The following GOLPH3 variants were observed in gnomAD, a reference collection of about 807,000 sequenced individuals.
GOLPH3 encodes coat protein GPP34.
A neutral mutation model predicts 28.5 loss-of-function variants in GOLPH3; 14 were observed. The observed-to-expected ratio is 0.49, with a 90% confidence interval of 0.32 to 0.77. GOLPH3 has a LOEUF of 0.77. GOLPH3 is among the 30% of genes least tolerant of loss of function. The pLI is 0.03. For synonymous variants in GOLPH3, 158 were observed against 159.2 expected (o/e 0.99, Z 0.06); for missense variants, 350 against 393.7 (o/e 0.89, Z 0.94).
At position 32,159,375 on chromosome 5, in the gene GOLPH3, G is replaced by T. The variant is rs556561858; in HGVS notation, c.225+14435C>A. Among the ~76,000 whole-genome samples the T allele has an allele frequency of 7.9e-5, 12 of 152,342 alleles. No homozygotes were observed. The South Asian group carries it at 2.5e-3, about 32-fold the overall frequency. The stretch of plus-strand genomic sequence containing the variant: ...TAAATAGTTCTGAGCATGAAACAAA[G>T]TGTGCCAGGTATGGAATCTTCCACT... On this transcript the variant is annotated intron_variant, in intron 1 of 3. Transcript: ENST00000265070.
At chr5:32,172,385 C>T (rs142101002) in intron 1 of GOLPH3, among the ~76,000 whole-genome samples, 3 of 149,092 alleles carry the variant, frequency 2.0e-5, no homozygotes, top group African/African-American at 7.4e-5. Flanking sequence ...TGCCCACCTT[C>T]CTGAATTTGG....
chr5:32,130,278 G>T (rs1581536360), intron 3 of GOLPH3, among the ~76,000 whole-genome samples: 1 of 152,108 alleles, frequency 6.6e-6, no homozygotes, highest in African/African-American at 2.4e-5. Flanking sequence ...CTGGAATTGG[G>T]TAACTATTGT....
chr5:32,165,839 C>G (rs1476501099), intron 1 of GOLPH3, among the ~76,000 whole-genome samples: 1 of 152,162 alleles, frequency 6.6e-6, no homozygotes, highest in Non-Finnish European at 1.5e-5. Flanking sequence ...TGTCATTTAG[C>G]AAGATGAGAA....
At chr5:32,148,888 C>A (rs915922633) in intron 1 of GOLPH3, among the ~76,000 whole-genome samples, 1 of 152,078 alleles carries the variant, frequency 6.6e-6, no homozygotes, top group Admixed American at 6.5e-5. Context: ...GGCAGGAGAA[C>A]TGCTTGAACC....
chr5:32,159,082 C>A lies in GOLPH3; in HGVS notation c.225+14728G>T, dbSNP rs80130817. On this transcript the variant is annotated intron_variant, in intron 1 of 3. Coordinates refer to ENST00000265070, the MANE Select transcript of GOLPH3 (RefSeq NM_022130.4). ...GAAATTGGTCTGCCTGGCTCCAAAGCCCTGGCTCCTTTTCTGTCTTGCCTT... is the reference window on the plus strand; with the variant it reads ...GAAATTGGTCTGCCTGGCTCCAAAGACCTGGCTCCTTTTCTGTCTTGCCTT... Among the ~76,000 whole-genome samples, 477 of 152,302 alleles carry A rather than the reference C, an allele frequency of 3.1e-3. 1 individual carries two copies. The highest frequency in any genetic ancestry group is 0.011 in the African/African-American group (449 of 41,570).
At chr5:32,129,571 A>G (rs2111835059) in intron 3 of GOLPH3, among the ~76,000 whole-genome samples, 1 of 152,342 alleles carries the variant, frequency 6.6e-6, no homozygotes, top group East Asian at 1.9e-4. Context: ...TACTGGCCAG[A>G]AGAAAATGGG....
At chr5:32,126,777 AC>A in intron 3 of GOLPH3, 141 bp from the exon 4 acceptor site, 1 of 669,652 alleles carries the variant, frequency 1.5e-6, no homozygotes, top group Non-Finnish European at 2.5e-6. Flanking sequence ...CCCTAACTAG[AC>A]CATGAACCCC....
At chr5:32,142,236 G>T (rs1328907212) in intron 2 of GOLPH3, among the ~76,000 whole-genome samples, 1 of 151,522 alleles carries the variant, frequency 6.6e-6, no homozygotes, top group Non-Finnish European at 1.5e-5. Context: ...CTGAGATGCG[G>T]GGAGCACCTC....
chr5:32,137,686 G>C (rs1242245663), intron 2 of GOLPH3, among the ~76,000 whole-genome samples: 2 of 152,034 alleles, frequency 1.3e-5, no homozygotes, highest in Non-Finnish European at 2.9e-5. Flanking sequence ...TTGAGATATA[G>C]AATCCATTTT....
At chr5:32,161,757 G>A (rs1746583095) in intron 1 of GOLPH3, among the ~76,000 whole-genome samples, 1 of 151,280 alleles carries the variant, frequency 6.6e-6, no homozygotes, top group South Asian at 2.1e-4. Flanking sequence ...GCCAGGCACG[G>A]TGGCTCACGC....
intron 1 of GOLPH3, among the ~76,000 whole-genome samples, chr5:32,164,959 G>C (rs1746677741): frequency 6.8e-6 from 1 of 146,068 alleles, no homozygotes; most frequent in Non-Finnish European, 1.5e-5. Flanking sequence ...GAGTGCAGTG[G>C]CATGATCTTA....
intron 1 of GOLPH3, among the ~76,000 whole-genome samples, chr5:32,170,565 G>C (rs1746809903): frequency 6.6e-6 from 1 of 152,134 alleles, no homozygotes; most frequent in Non-Finnish European, 1.5e-5. Flanking sequence ...CTCCTAAAAA[G>C]AGTACTATAG....
chr5:32,143,255 T>C lies in GOLPH3; in HGVS notation c.357+494A>G, dbSNP rs564203850. On this transcript the variant is annotated intron_variant, in intron 2 of 3. Transcript: ENST00000265070. ...GTTAAACAGATGCTTGAAGGCAGCATGCTCCTTAAGAGTCATCACCACTCC... is the reference window on the plus strand; with the variant it reads ...GTTAAACAGATGCTTGAAGGCAGCACGCTCCTTAAGAGTCATCACCACTCC... Among the ~76,000 whole-genome samples the C allele has an allele frequency of 2.7e-3, 404 of 151,694 alleles. 2 individuals are homozygous for C. Among genetic ancestry groups the C allele is most frequent in the African/African-American group, 9.5e-3 (394 of 41,340 alleles).
chr5:32,146,608 CTTTTTGTTAAGAAGGAACTCAAAAGG>C (rs933506390), intron 1 of GOLPH3, among the ~76,000 whole-genome samples: 1 of 152,092 alleles, frequency 6.6e-6, no homozygotes, highest in African/African-American at 2.4e-5. Context: ...TACCCAGAAG[CTTTTTGTTAAGAAGGAACTCAAAAGG>C]TTGGTAACCC....
intron 1 of GOLPH3, among the ~76,000 whole-genome samples, chr5:32,147,448 G>T (rs918216583): frequency 6.6e-6 from 1 of 150,950 alleles, no homozygotes; most frequent in African/African-American, 2.4e-5. Context: ...AAAAAAAAAA[G>T]AAAAGAAATC....
rs1291272045 is a variant in GOLPH3 at position 32,141,573 on chromosome 5, ATGACTC to A, written c.357+2170_357+2175del. On this transcript the variant is annotated intron_variant, in intron 2 of 3. Transcript: ENST00000265070. Reference sequence around the variant, plus strand: ...AAATTATGGCTTTTAAAAGCTGCAAATGACTCTCCCTCTCCCTCTCCCTCTCCCCAC... The same window carrying A: ...AAATTATGGCTTTTAAAAGCTGCAAATCCCTCTCCCTCTCCCTCTCCCCAC... 5.8e-5 allele frequency among the ~76,000 whole-genome samples: 6 copies of A among 103,850 alleles called. No homozygotes were observed. The East Asian group carries it at 1.3e-3, about 23-fold the overall frequency. The allele number at this position is 103,850 out of a possible 152,430, so 68.1% of individuals were successfully genotyped here.
rs1745643640 is a variant in GOLPH3, at chr5:32,124,970, C to A, written c.*1242G>T. ...CATTATGAAACCAATGGTGATGATACAATAAAGTGATAAAGAAATAGTAAA... is the reference window on the plus strand; with the variant it reads ...CATTATGAAACCAATGGTGATGATAAAATAAAGTGATAAAGAAATAGTAAA... On this transcript the variant is annotated 3_prime_UTR_variant, in exon 4 of 4. Coordinates refer to ENST00000265070, the MANE Select transcript of GOLPH3 (RefSeq NM_022130.4). 1 of 152,420 alleles carries A rather than the reference C, an allele frequency of 6.6e-6. No homozygotes were observed. Among genetic ancestry groups the A allele is most frequent in the Non-Finnish European group, 1.5e-5 (1 of 68,004 alleles). The allele number at this position is 152,420 out of a possible 1,614,324, so 9.4% of individuals were successfully genotyped here.
intron 1 of GOLPH3, 48 bp from the exon 2 acceptor site, chr5:32,143,928 GA>G: frequency 7.6e-7 from 1 of 1,316,832 alleles, no homozygotes; most frequent in Non-Finnish European, 1.0e-6. Flanking sequence ...AATTTACCTT[GA>G]ATTCAGAGTA....
At chr5:32,172,707 A>C (rs112044726) in intron 1 of GOLPH3, among the ~76,000 whole-genome samples, 1 of 151,478 alleles carries the variant, frequency 6.6e-6, no homozygotes, top group Non-Finnish European at 1.5e-5. Context: ...AAACAAAACA[A>C]AACAAAAACA....
Sources: gnomAD v4.1 joint callset for allele counts (sites outside exome capture counted in the v4.1 genomes callset) on GRCh38, gnomAD v4.1.1 for gene constraint, MANE v1.5 for transcripts, NCBI Gene and HGNC (gene_info 2026-07-23, HGNC 2026-07-21) for gene names.